The following NCALD variants were observed in gnomAD, a reference collection of about 807,000 sequenced individuals.
The protein encoded by NCALD is neurocalcin delta.
NCALD carries 10 observed loss-of-function variants against 18.6 expected under a neutral mutation model. That is an observed-to-expected ratio of 0.54 (90% CI 0.33 to 0.91). The LOEUF (loss-of-function observed/expected upper bound fraction) is 0.91. Ranked by LOEUF, NCALD falls within the 40% of genes least tolerant of loss-of-function variation. NCALD has a pLI of 0.03. For synonymous variants in NCALD, 88 were observed against 87.4 expected, an observed-to-expected ratio of 1.01 and a Z score of -0.04; for missense variants, 184 against 247.6, an observed-to-expected ratio of 0.74 and a Z score of 1.72.
rs112294627 is a variant in NCALD at position 101,719,258 on chromosome 8, G to A, written c.372C>T (p.Ile124=). The part of the protein sequence containing the change: ...GYISKAEMLE[I]VQAIYKMVSS... ...AAGGGCTCAGTCTACGTACCTGCAC[G>A]ATCTCTAGCATCTCTGCCTTGCTGA... is the stretch of plus-strand genomic sequence containing the variant. Residue 124 remains isoleucine (I), a synonymous_variant, in exon 2 of 4, where the codon ATC becomes ATT. Coordinates refer to ENST00000220931, the MANE Select transcript of NCALD (RefSeq NM_032041.3). 938 of 1,613,300 alleles carry A rather than the reference G, an allele frequency of 5.8e-4. 5 individuals are homozygous for A. In the African/African-American group the frequency reaches 9.9e-3, roughly 17 times the overall value.
intron 1 of NCALD, among the ~76,000 whole-genome samples, chr8:101,738,260 C>T (rs1810015132): frequency 2.0e-5 from 3 of 152,022 alleles, no homozygotes; most frequent in African/African-American, 7.2e-5. Flanking sequence ...AAAAAGTCAC[C>T]CAGCCGGGCG....
At chr8:101,941,046 T>C (rs545547188) in intron 2 of NCALD, among the ~76,000 whole-genome samples, 2 of 152,318 alleles carry the variant, frequency 1.3e-5, no homozygotes, top group East Asian at 1.9e-4. Flanking sequence ...TAACCTGAAA[T>C]AATAACAAAT....
chr8:101,770,260 A>G (rs1049833541), intron 1 of NCALD, among the ~76,000 whole-genome samples: 9 of 152,314 alleles, frequency 5.9e-5, no homozygotes, highest in African/African-American at 1.9e-4. Flanking sequence ...GCTAAGGAAC[A>G]TTAGTTGGTT....
chr8:101,840,906 T>C (rs1166263098), intron 4 of NCALD, among the ~76,000 whole-genome samples: 2 of 152,198 alleles, frequency 1.3e-5, no homozygotes, highest in Non-Finnish European at 2.9e-5. Flanking sequence ...TTATTAAATT[T>C]AAAATTTACC....
intron 3 of NCALD, among the ~76,000 whole-genome samples, chr8:101,913,161 C>T (rs900558180): frequency 1.3e-5 from 2 of 152,222 alleles, no homozygotes; most frequent in Non-Finnish European, 2.9e-5. Context: ...TGTACTCAGA[C>T]TCCTGACCCA....
chr8:101,830,739 A>AT (rs1814145583), intron 4 of NCALD, among the ~76,000 whole-genome samples: 1 of 143,040 alleles, frequency 7.0e-6, no homozygotes, highest in Admixed American at 7.0e-5. Flanking sequence ...GGAGAGGAAT[A>AT]CTTTTTTTTT....
intron 1 of NCALD, among the ~76,000 whole-genome samples, chr8:102,062,651 G>A (rs1035320963): frequency 2.6e-5 from 4 of 152,226 alleles, no homozygotes; most frequent in Admixed American, 1.3e-4. Flanking sequence ...AGATCTGTCG[G>A]TTGGCTAGAG....
At chr8:102,122,143 T>C (rs370929020) in intron 1 of NCALD, among the ~76,000 whole-genome samples, 55 of 152,330 alleles carry the variant, frequency 3.6e-4, no homozygotes, top group African/African-American at 1.3e-3. Context: ...CCATGCAGCC[T>C]GCTGGAAGGC....
intron 2 of NCALD, among the ~76,000 whole-genome samples, chr8:101,968,369 C>T (rs76146760): frequency 0.016 from 2,401 of 152,188 alleles, 60 homozygotes; most frequent in East Asian, 0.089. Flanking sequence ...CTTAAAGCAA[C>T]TTTTCCAGAT....
At chr8:101,988,112 G>A (rs1313138285) in intron 2 of NCALD, among the ~76,000 whole-genome samples, 14 of 144,294 alleles carry the variant, frequency 9.7e-5, no homozygotes, top group Non-Finnish European at 1.8e-4. Context: ...CCGAGATCGC[G>A]CCACTGCGGT....
intron 2 of NCALD, among the ~76,000 whole-genome samples, chr8:101,946,079 T>C (rs1256673326): frequency 6.6e-6 from 1 of 152,192 alleles, no homozygotes; most frequent in Non-Finnish European, 1.5e-5. Flanking sequence ...CCTTTTACTT[T>C]CTTTTGGTTC....
Position 102,122,205 on chromosome 8 carries a change from G to A in NCALD, c.-210+2032C>T, listed in dbSNP as rs118190572. On this transcript the variant is annotated intron_variant, in intron 1 of 6. Coordinates refer to the NCALD transcript ENST00000311028. ...AATGCATAGGAGTTGACCAGACAAG[G>A]AAGGTTGGGGAGATGATAGATGCTG... Among the ~76,000 whole-genome samples, 102 of 152,338 alleles carry A rather than the reference G, an allele frequency of 6.7e-4. 1 individual carries two copies. In the East Asian group the frequency reaches 0.017, roughly 26 times the overall value.
intron 2 of NCALD, among the ~76,000 whole-genome samples, chr8:101,709,071 ATT>A (rs1241861516): frequency 6.6e-6 from 1 of 152,248 alleles, no homozygotes; most frequent in Non-Finnish European, 1.5e-5. Flanking sequence ...GAAGGGACTT[ATT>A]GAAAATGAAA....
At chr8:101,783,490 C>A (rs752220993) in intron 1 of NCALD, among the ~76,000 whole-genome samples, 5 of 152,162 alleles carry the variant, frequency 3.3e-5, no homozygotes, top group African/African-American at 1.2e-4. Flanking sequence ...TACTACAAAC[C>A]AGTAGAGCAG....
chr8:102,021,912 A>G (rs1458010615), intron 1 of NCALD, among the ~76,000 whole-genome samples: 1 of 152,184 alleles, frequency 6.6e-6, no homozygotes, highest in Non-Finnish European at 1.5e-5. Flanking sequence ...GAACATGAGG[A>G]GGAAAGAGAC....
chr8:101,934,132 AC>A (rs1156854699), intron 2 of NCALD, among the ~76,000 whole-genome samples: 2 of 152,328 alleles, frequency 1.3e-5, no homozygotes, highest in East Asian at 3.9e-4. Context: ...TGAGTTCTGT[AC>A]TAGGTGCAGG....
chr8:101,763,255 G>T (rs1048772450), intron 1 of NCALD, among the ~76,000 whole-genome samples: 1 of 152,162 alleles, frequency 6.6e-6, no homozygotes, highest in Non-Finnish European at 1.5e-5. Context: ...CTGGAACAGG[G>T]CTCCTTGAGC....
rs539030363 is a variant in NCALD at position 102,065,396 on chromosome 8, T to C, written c.-209-45107A>G. On this transcript the variant is annotated intron_variant, in intron 1 of 6. Coordinates refer to the NCALD transcript ENST00000311028. ...TGTGAACAACTCCAGGCACTCAGCC[T>C]TCTGTCCAAGCTACCAATAGATCCC... Among the ~76,000 whole-genome samples the C allele has an allele frequency of 3.9e-5, 6 of 152,298 alleles. No homozygotes were observed. The South Asian group carries it at 6.2e-4, about 16-fold the overall frequency.
At chr8:101,826,830 G>A (rs534857603) in intron 4 of NCALD, among the ~76,000 whole-genome samples, 21 of 152,246 alleles carry the variant, frequency 1.4e-4, no homozygotes, top group South Asian at 8.3e-4. Flanking sequence ...CCTTGCCTCC[G>A]CTTTAAAATC....
Sources: allele counts gnomAD v4.1 joint callset (sites outside exome capture counted in the v4.1 genomes callset), GRCh38; gene constraint gnomAD v4.1.1; transcripts MANE v1.5; gene names NCBI Gene and HGNC (gene_info 2026-07-23, HGNC 2026-07-21).